MLLT1: variants seen among roughly 807,000 people sequenced by gnomAD.
The protein encoded by MLLT1 is protein ENL.
MLLT1 carries 11 observed loss-of-function variants against 55.1 expected under a neutral mutation model. That is an observed-to-expected ratio of 0.20 (90% CI 0.13 to 0.33). MLLT1 has a LOEUF of 0.33. Among genes scored for constraint, MLLT1 ranks in the 10% least tolerant of loss-of-function variants. The pLI is 1.00. For synonymous variants in MLLT1, 323 were observed against 320.1 expected (o/e 1.01, Z -0.10); for missense variants, 536 against 760.6 (o/e 0.70, Z 3.47).
chr19:6,219,244 C>T lies in MLLT1; in HGVS notation c.1111-1203G>A, dbSNP rs900109736. On this transcript the variant is annotated intron_variant, in intron 6 of 11. Transcript: ENST00000252674. The surrounding 1 kb of genome is among the most constrained non-coding windows in gnomAD (Gnocchi z 4.5). ...AAGGGTTTACTGCAGCCCAACCCAG[C>T]CCCCTCCTGCCCCTCAAACCAGCCC... 2.6e-5 allele frequency among the ~76,000 whole-genome samples: 4 copies of T among 152,166 alleles called. No individual in the cohort carries two copies. Among genetic ancestry groups the T allele is most frequent in the Non-Finnish European group, 5.9e-5 (4 of 68,028 alleles).
intron 1 of MLLT1, among the ~76,000 whole-genome samples, chr19:6,271,268 C>T (rs982249699): frequency 2.2e-4 from 33 of 152,246 alleles, no homozygotes; most frequent in African/African-American, 7.5e-4. Context: ...TGATGGCTGT[C>T]GGTGTCTCTG....
chr19:6,252,744 A>G (rs1044523765), intron 3 of MLLT1, among the ~76,000 whole-genome samples: 2 of 152,236 alleles, frequency 1.3e-5, no homozygotes, highest in Non-Finnish European at 2.9e-5. Context: ...TAAAAGGCAT[A>G]GAGTGAATCA....
Position 6,262,459 on chromosome 19 carries a change from C to T in MLLT1, c.194-149G>A. On this transcript the variant is annotated intron_variant, in intron 2 of 11. Transcript: ENST00000252674. This position sits in a 1 kb window ranked among gnomAD's most constrained non-coding sequence, Gnocchi z 4.4. ...GGTGGCTTTTCAGGAGGTTAAGCCC[C>T]CGACAGGATTGACTTCCACGGCAAA... is the stretch of plus-strand genomic sequence containing the variant. 1 of 612,684 alleles carries T rather than the reference C, an allele frequency of 1.6e-6. No individual in the cohort carries two copies. The allele number at this position is 612,684 out of a possible 1,614,324, so 38.0% of individuals were successfully genotyped here. A position where few individuals can be genotyped will look rare whatever the true frequency, so the allele number is the denominator to read the frequency against.
At chr19:6,257,920 A>C (rs1488373552) in intron 3 of MLLT1, among the ~76,000 whole-genome samples, 1 of 152,244 alleles carries the variant, frequency 6.6e-6, no homozygotes, top group African/African-American at 2.4e-5. Flanking sequence ...AGGAAATGCA[A>C]ATAAAAACCT....
intron 5 of MLLT1, among the ~76,000 whole-genome samples, chr19:6,225,626 T>G (rs2090948819): frequency 6.6e-6 from 1 of 152,190 alleles, no homozygotes; most frequent in Non-Finnish European, 1.5e-5. Flanking sequence ...ACCCGGTAGC[T>G]GGAGAAGCCT....
rs2091369810 is a variant in MLLT1 at position 6,268,807 on chromosome 19, G to A, written c.193+1772C>T. On this transcript the variant is annotated intron_variant, in intron 2 of 11. Coordinates refer to ENST00000252674, the MANE Select transcript of MLLT1 (RefSeq NM_005934.4). Reference sequence around the variant, plus strand: ...TGGCACATGCCTGCCAGGAGCTCAAGACAAGCCTGGGCAACACGACAAACA... The same window carrying A: ...TGGCACATGCCTGCCAGGAGCTCAAAACAAGCCTGGGCAACACGACAAACA... 2.0e-5 allele frequency among the ~76,000 whole-genome samples: 3 copies of A among 152,172 alleles called. No homozygotes were observed. The South Asian group carries it at 6.2e-4, about 31-fold the overall frequency.
intron 3 of MLLT1, among the ~76,000 whole-genome samples, chr19:6,238,742 A>G (rs140988153): frequency 0.018 from 2,687 of 151,782 alleles, 37 homozygotes; most frequent in Middle Eastern, 0.051. Context: ...GGCCTTCTCC[A>G]GCCAGCAGCA....
chr19:6,247,574 A>G (rs1363136487), intron 3 of MLLT1, among the ~76,000 whole-genome samples: 1 of 152,228 alleles, frequency 6.6e-6, no homozygotes, highest in Non-Finnish European at 1.5e-5. Context: ...GCTCTTCCTT[A>G]CTGAAAAATT....
Position 6,212,803 on chromosome 19 carries a change from A to T in MLLT1, c.*239T>A. 1 of 887,518 alleles carries T rather than the reference A, an allele frequency of 1.1e-6. No individual in the cohort carries two copies. 55.0% of individuals were successfully genotyped at this position (887,518 alleles called of 1,614,324 possible). On this transcript the variant is annotated 3_prime_UTR_variant, in exon 12 of 12. Transcript: ENST00000252674. ...TCAACACCAGCCGCTCTCTGAGGGG[A>T]GCCCAGAGAGCCCGGGGGGCGGCTC...
At chr19:6,274,505 T>C (rs2091418241) in intron 1 of MLLT1, among the ~76,000 whole-genome samples, 1 of 151,968 alleles carries the variant, frequency 6.6e-6, no homozygotes, top group African/African-American at 2.4e-5. Context: ...CTCTCCAGAA[T>C]GTCTTAGAGT....
rs2091280032 is a variant in MLLT1 at position 6,258,853 on chromosome 19, T to C, written c.276+3375A>G. ...GGGCCCTCTGAGGTCTGAGGCTCCC[T>C]TTCTCCACTGAACTTCCTTGCCCAG... is the stretch of plus-strand genomic sequence containing the variant. On this transcript the variant is annotated intron_variant, in intron 3 of 11. Coordinates refer to ENST00000252674, the MANE Select transcript of MLLT1 (RefSeq NM_005934.4). Among the ~76,000 whole-genome samples the C allele has an allele frequency of 2.0e-5, 3 of 152,158 alleles. No individual in the cohort carries two copies. In the South Asian group the frequency reaches 6.2e-4, roughly 32 times the overall value.
chr19:6,249,964 T>A (rs1295975484), intron 3 of MLLT1, among the ~76,000 whole-genome samples: 1 of 151,946 alleles, frequency 6.6e-6, no homozygotes, highest in Non-Finnish European at 1.5e-5. Flanking sequence ...GAGTCTGCAA[T>A]GAGCTGTTAT....
intron 3 of MLLT1, among the ~76,000 whole-genome samples, chr19:6,237,935 T>A (rs574069413): frequency 9.9e-4 from 150 of 152,096 alleles, no homozygotes; most frequent in African/African-American, 3.4e-3. Flanking sequence ...AGATCTCATC[T>A]CTACAAAAAA....
chr19:6,269,368 T>A (rs993380565), intron 2 of MLLT1, among the ~76,000 whole-genome samples: 2 of 152,190 alleles, frequency 1.3e-5, no homozygotes, highest in African/African-American at 2.4e-5. Context: ...ATGGCATGTG[T>A]CCCCACGATT....
chr19:6,214,552 A>G (rs1230791663), intron 8 of MLLT1, among the ~76,000 whole-genome samples: 1 of 152,096 alleles, frequency 6.6e-6, no homozygotes, highest in Non-Finnish European at 1.5e-5. Context: ...AAACAGGGGT[A>G]TCTGGTGGTG....
rs578208500 is a variant in MLLT1, at chr19:6,275,622, G to A, written c.12+4151C>T. Among the ~76,000 whole-genome samples, 7 of 152,154 alleles carry A rather than the reference G, an allele frequency of 4.6e-5. No homozygotes were observed. The East Asian group carries it at 7.7e-4, about 17-fold the overall frequency. On this transcript the variant is annotated intron_variant, in intron 1 of 11. Transcript: ENST00000252674. ...GGGGCCTCTCACTAACAGGTACACC[G>A]GGTCCTGGTCCCCTGACTGCTGGCA...
Position 6,212,691 on chromosome 19 carries a change from G to A in MLLT1, c.*351C>T, listed in dbSNP as rs972191757. On this transcript the variant is annotated 3_prime_UTR_variant, in exon 12 of 12. Transcript: ENST00000252674. ...TCCGCTGCTCAGAAAGGCTGGGGCA[G>A]CGACGCCGCACAGCCCGCCGAGCAG... The A allele has an allele frequency of 4.5e-5, 50 of 1,121,644 alleles. No individual in the cohort carries two copies. Among genetic ancestry groups the A allele is most frequent in the Non-Finnish European group, 5.1e-5 (47 of 916,632 alleles). The allele number at this position is 1,121,644 out of a possible 1,614,324, so 69.5% of individuals were successfully genotyped here.
chr19:6,237,483 C>A (rs1045188022), intron 3 of MLLT1, among the ~76,000 whole-genome samples: 1 of 151,978 alleles, frequency 6.6e-6, no homozygotes, highest in Admixed American at 6.6e-5. Context: ...TTTGGCCAGG[C>A]GCGGTGGCTC....
intron 3 of MLLT1, among the ~76,000 whole-genome samples, chr19:6,261,697 C>A (rs2091307285): frequency 6.6e-6 from 1 of 152,026 alleles, no homozygotes. Context: ...AAGAAAACCC[C>A]CTGGACTCCC....
Sources: allele counts gnomAD v4.1 joint callset (sites outside exome capture counted in the v4.1 genomes callset), GRCh38; gene constraint gnomAD v4.1.1; non-coding constraint Gnocchi (gnomAD v3.1); transcripts MANE v1.5; gene names NCBI Gene and HGNC (gene_info 2026-07-23, HGNC 2026-07-21).